BNIP3L: variants seen among roughly 807,000 people sequenced by gnomAD.
BNIP3L encodes the protein BCL2/adenovirus E1B 19 kDa protein-interacting protein 3-like.
Under a neutral mutation model 25.5 loss-of-function variants are expected in BNIP3L, and 10 were observed. The ratio of observed to expected loss-of-function variants is 0.39; its 90% CI spans 0.24 to 0.67. The LOEUF (loss-of-function observed/expected upper bound fraction) is 0.67. BNIP3L is among the 30% of genes least tolerant of loss of function. The probability of loss-of-function intolerance (pLI) is 0.45; values close to 1 mark genes in which losing one functional copy is unlikely to be tolerated. For missense variants in BNIP3L, 215 were observed against 270.9 expected, an observed-to-expected ratio of 0.79 and a Z score of 1.45; for synonymous variants, 113 against 101.2, an observed-to-expected ratio of 1.12 and a Z score of -0.70.
rs1585443597 is a variant in BNIP3L at position 26,411,156 on chromosome 8, T to A, written c.*744T>A. 1 of 129,618 alleles carries A rather than the reference T, an allele frequency of 7.7e-6. No individual in the cohort carries two copies. Among genetic ancestry groups the A allele is most frequent in the Admixed American group, 7.6e-5 (1 of 13,176 alleles). The allele number at this position is 129,618 out of a possible 1,614,324, so 8.0% of individuals were successfully genotyped here. On this transcript the variant is annotated 3_prime_UTR_variant, in exon 6 of 6. Coordinates refer to ENST00000380629, the MANE Select transcript of BNIP3L (RefSeq NM_004331.3). ...CTGTCTTTTCTATGGTGTAGAATCT[T>A]TCTTTCTGATAAGGAACGTCTCAGG...
intron 2 of BNIP3L, among the ~76,000 whole-genome samples, chr8:26,393,995 A>G (rs899853792): frequency 6.6e-6 from 1 of 152,200 alleles, no homozygotes; most frequent in Admixed American, 6.5e-5. Flanking sequence ...ATTAATTAAC[A>G]TTATATACAT....
chr8:26,408,920 A>G (rs1200217397), intron 5 of BNIP3L, among the ~76,000 whole-genome samples: 2 of 151,006 alleles, frequency 1.3e-5, no homozygotes, highest in Non-Finnish European at 2.9e-5. Context: ...CCCCTAAATG[A>G]TCAAATGTAA....
chr8:26,394,404 A>G (rs981700593), intron 2 of BNIP3L, among the ~76,000 whole-genome samples: 1 of 152,158 alleles, frequency 6.6e-6, no homozygotes, highest in African/African-American at 2.4e-5. Context: ...ATACCTTTAC[A>G]TTCTTAAAAA....
intron 3 of BNIP3L, among the ~76,000 whole-genome samples, chr8:26,400,899 TA>T (rs1806354852): frequency 7.1e-6 from 1 of 141,332 alleles, no homozygotes; most frequent in Non-Finnish European, 1.5e-5. Flanking sequence ...TGGCAATCAT[TA>T]AAAAGTCAGG....
At chr8:26,384,783 C>T (rs920422530) in intron 1 of BNIP3L, among the ~76,000 whole-genome samples, 3 of 149,714 alleles carry the variant, frequency 2.0e-5, no homozygotes, top group African/African-American at 4.9e-5. Flanking sequence ...CTACAACCTC[C>T]GCCTCCCAGG....
At chr8:26,391,990 T>C (rs1392797599) in intron 2 of BNIP3L, among the ~76,000 whole-genome samples, 2 of 152,210 alleles carry the variant, frequency 1.3e-5, no homozygotes, top group Non-Finnish European at 1.5e-5. Context: ...TCTGTAAAGA[T>C]AGTTTTGAAG....
intron 3 of BNIP3L, among the ~76,000 whole-genome samples, chr8:26,407,268 C>T (rs1398482759): frequency 6.6e-6 from 1 of 152,006 alleles, no homozygotes; most frequent in Non-Finnish European, 1.5e-5. Context: ...TCACTGCAAG[C>T]TCCGCCTCCT....
chr8:26,395,384 G>A, intron 3 of BNIP3L, 82 bp downstream of exon 3: 1 of 1,415,124 alleles, frequency 7.1e-7, no homozygotes, highest in Non-Finnish European at 9.8e-7. Flanking sequence ...AAATAAATGT[G>A]AAGACTTTTA....
chr8:26,409,286 G>A (rs557918853), intron 5 of BNIP3L, among the ~76,000 whole-genome samples: 1 of 152,252 alleles, frequency 6.6e-6, no homozygotes, highest in South Asian at 2.1e-4. Flanking sequence ...GATTTTAGGA[G>A]TTAAACAGTA....
intron 1 of BNIP3L, among the ~76,000 whole-genome samples, chr8:26,388,177 G>A (rs1367270142): frequency 6.6e-6 from 1 of 152,182 alleles, no homozygotes; most frequent in Admixed American, 6.5e-5. Flanking sequence ...TTAATTTTAT[G>A]TACTGATGTT....
intron 3 of BNIP3L, among the ~76,000 whole-genome samples, chr8:26,406,755 G>A (rs1047895233): frequency 2.6e-5 from 4 of 151,534 alleles, no homozygotes; most frequent in Non-Finnish European, 2.9e-5. Flanking sequence ...CCAGGAGTTC[G>A]AGGCTGCAGT....
chr8:26,392,481 A>G (rs1277215690), intron 2 of BNIP3L, among the ~76,000 whole-genome samples: 3 of 152,246 alleles, frequency 2.0e-5, no homozygotes, highest in Non-Finnish European at 4.4e-5. Flanking sequence ...GAGTTAAATC[A>G]TGTCCAACTT....
intron 1 of BNIP3L, among the ~76,000 whole-genome samples, chr8:26,385,032 G>A (rs1263287894): frequency 6.6e-6 from 1 of 151,870 alleles, no homozygotes; most frequent in Non-Finnish European, 1.5e-5. Flanking sequence ...CCGCCCGCCT[G>A]GGCCTCCCAA....
chr8:26,393,219 A>C (rs761276884), intron 2 of BNIP3L, among the ~76,000 whole-genome samples: 11 of 151,672 alleles, frequency 7.3e-5, no homozygotes, highest in Non-Finnish European at 1.3e-4. Flanking sequence ...TGTTTCTTGT[A>C]GGGGGAAATG....
chr8:26,406,539 GC>G (rs1203915972), intron 3 of BNIP3L, among the ~76,000 whole-genome samples: 2 of 152,142 alleles, frequency 1.3e-5, no homozygotes, highest in Non-Finnish European at 2.9e-5. Context: ...AATGCATGTG[GC>G]TGGGTGCAGT....
intron 1 of BNIP3L, 144 bp from the exon 2 acceptor site, chr8:26,391,099 A>G: frequency 3.2e-6 from 2 of 628,394 alleles, no homozygotes; most frequent in Non-Finnish European, 5.0e-6. Context: ...GACTTTTATT[A>G]CTTCTTATTT....
rs577788187 is a variant in BNIP3L at position 26,411,018 on chromosome 8, G to A, written c.*606G>A. The A allele has an allele frequency of 6.6e-6, 1 of 152,306 alleles. No individual in the cohort carries two copies. Among genetic ancestry groups the A allele is most frequent in the South Asian group, 2.1e-4 (1 of 4,822 alleles). The allele number at this position is 152,306 out of a possible 1,614,324, so 9.4% of individuals were successfully genotyped here. A position where few individuals can be genotyped will look rare whatever the true frequency, so the allele number is the denominator to read the frequency against. ...GCTTTGGAGCCACTTTTTTGTCTAA[G>A]CCTCCTAATAGCGTCTTTTAATTTA... On this transcript the variant is annotated 3_prime_UTR_variant, in exon 6 of 6. Coordinates refer to ENST00000380629, the MANE Select transcript of BNIP3L (RefSeq NM_004331.3).
chr8:26,402,887 G>A (rs931562487), intron 3 of BNIP3L, among the ~76,000 whole-genome samples: 4 of 152,182 alleles, frequency 2.6e-5, no homozygotes, highest in African/African-American at 9.7e-5. Flanking sequence ...ACTCCGTGGA[G>A]CACTGTGGTA....
intron 3 of BNIP3L, among the ~76,000 whole-genome samples, chr8:26,406,627 G>C (rs1806505436): frequency 6.6e-6 from 1 of 152,098 alleles, no homozygotes; most frequent in Non-Finnish European, 1.5e-5. Context: ...TCAAGACCAG[G>C]CTGGGCAACA....
Sources: allele counts gnomAD v4.1 joint callset (sites outside exome capture counted in the v4.1 genomes callset), GRCh38; gene constraint gnomAD v4.1.1; transcripts MANE v1.5; gene names NCBI Gene and HGNC (gene_info 2026-07-23, HGNC 2026-07-21).